The following ULK4 variants were observed in gnomAD, a reference collection of about 807,000 sequenced individuals.
ULK4 encodes the protein unc-51 like kinase 4, also known as inactive serine/threonine-protein kinase ULK4.
A neutral mutation model predicts 160.6 loss-of-function variants in ULK4; 133 were observed. The observed-to-expected ratio is 0.83, with a 90% CI of 0.72 to 0.96. ULK4 has a LOEUF of 0.96. Ranked by LOEUF, ULK4 falls within the 40% of genes least tolerant of loss-of-function variation. ULK4 has a pLI of 0.00. For synonymous variants in ULK4, 534 were observed against 539.8 expected (o/e 0.99, Z 0.15); for missense variants, 1,580 against 1,499.5 (o/e 1.05, Z -0.89).
At chr3:41,947,233 C>T (rs749169629) in intron 2 of ULK4, among the ~76,000 whole-genome samples, 17 of 152,142 alleles carry the variant, frequency 1.1e-4, no homozygotes, top group Non-Finnish European at 2.5e-4. Flanking sequence ...ATGGCGTGAA[C>T]CCAGGAGACG....
intron 33 of ULK4, among the ~76,000 whole-genome samples, chr3:41,462,588 T>A (rs141308979): frequency 6.6e-6 from 1 of 152,130 alleles, no homozygotes; most frequent in African/African-American, 2.4e-5. Context: ...CTCAAAACCA[T>A]CTCACAAGTC....
intron 5 of ULK4, among the ~76,000 whole-genome samples, chr3:41,922,777 C>T (rs1438975311): frequency 5.3e-5 from 8 of 152,018 alleles, no homozygotes; most frequent in East Asian, 3.9e-4. Context: ...TTGCAATGTA[C>T]GATGGACTCC....
At chr3:41,525,727 C>T (rs1323955463) in intron 32 of ULK4, among the ~76,000 whole-genome samples, 1 of 152,214 alleles carries the variant, frequency 6.6e-6, no homozygotes, top group African/African-American at 2.4e-5. Context: ...ACAATGTGCC[C>T]TTTTTATCTG....
At chr3:41,687,894 A>AAGGCTC (rs1283007528) in intron 27 of ULK4, 23 of 152,362 alleles carry the variant, frequency 1.5e-4, no homozygotes, top group Admixed American at 5.2e-4. Context: ...CAGCCCAGGC[A>AAGGCTC]AGGCTCCTTT....
At chr3:41,249,419 T>A in intron 36 of ULK4, 70 bp downstream of exon 36, 1 of 1,379,796 alleles carries the variant, frequency 7.2e-7, no homozygotes, top group Non-Finnish European at 1.0e-6. Flanking sequence ...GTGGGAGGAG[T>A]GGAGAAAGGA....
chr3:41,523,730 A>G (rs2086014104), intron 32 of ULK4, among the ~76,000 whole-genome samples: 1 of 152,174 alleles, frequency 6.6e-6, no homozygotes, highest in Non-Finnish European at 1.5e-5. Context: ...CAGTTCTTCA[A>G]AAAAATTAAT....
chr3:41,759,675 A>G (rs2038922684), intron 21 of ULK4, among the ~76,000 whole-genome samples: 1 of 152,162 alleles, frequency 6.6e-6, no homozygotes, highest in South Asian at 2.1e-4. Context: ...AATATGCAAA[A>G]CAATTTTGGG....
intron 32 of ULK4, among the ~76,000 whole-genome samples, chr3:41,562,535 C>G (rs1215566155): frequency 6.6e-6 from 1 of 151,820 alleles, no homozygotes; most frequent in African/African-American, 2.4e-5. Context: ...CTTTATGAAT[C>G]TGAGTGATAC....
chr3:41,882,336 A>C lies in ULK4; in HGVS notation c.1656+1538T>G, dbSNP rs770415837. On this transcript the variant is annotated intron_variant, in intron 17 of 36. Transcript: ENST00000301831. ...ATGCCAGGTGGTGATACATGCTGTG[A>C]AAAAGATAAAGTAGAACAATGGGGT... 3 of 700,666 alleles carry C rather than the reference A, an allele frequency of 4.3e-6. No individual in the cohort carries two copies. In the East Asian group the frequency reaches 8.1e-5, roughly 19 times the overall value. The allele number at this position is 700,666 out of a possible 1,614,324, so 43.4% of individuals were successfully genotyped here. A position where few individuals can be genotyped will look rare whatever the true frequency, so the allele number is the denominator to read the frequency against.
At chr3:41,499,339 T>C (rs962203441) in intron 32 of ULK4, among the ~76,000 whole-genome samples, 4 of 152,154 alleles carry the variant, frequency 2.6e-5, no homozygotes, top group Admixed American at 2.6e-4. Context: ...GCTTTTGAAC[T>C]CCCCTGGGCA....
chr3:41,268,811 CACAAAAAAAAAA>C (rs2079090369), intron 35 of ULK4, among the ~76,000 whole-genome samples: 1 of 45,020 alleles, frequency 2.2e-5, no homozygotes, highest in African/African-American at 1.1e-4. Flanking sequence ...CTCACACACA[CACAAAAAAAAAA>C]AAAAAAAAAA....
chr3:41,761,933 A>T lies in ULK4; in HGVS notation c.2194-7445T>A, dbSNP rs369306358. Among the ~76,000 whole-genome samples, 156 of 152,048 alleles carry T rather than the reference A, an allele frequency of 1.0e-3. 5 individuals are homozygous for T. The South Asian group carries it at 0.031, about 31-fold the overall frequency. ...TCTACTTAAAAATAATAATAATAATAATTAGCCAGGCATGATGGCACATGC... is the reference window on the plus strand; with the variant it reads ...TCTACTTAAAAATAATAATAATAATTATTAGCCAGGCATGATGGCACATGC... On this transcript the variant is annotated intron_variant, in intron 21 of 36. Transcript: ENST00000301831.
chr3:41,475,589 C>T (rs1016749150), intron 32 of ULK4, among the ~76,000 whole-genome samples: 27 of 151,834 alleles, frequency 1.8e-4, no homozygotes, highest in Admixed American at 1.6e-3. Flanking sequence ...ACTTTGTACC[C>T]CATAAATATA....
intron 34 of ULK4, among the ~76,000 whole-genome samples, chr3:41,436,411 TTATTTGAAAC>T (rs1230402388): frequency 6.6e-6 from 1 of 152,218 alleles, no homozygotes; most frequent in African/African-American, 2.4e-5. Context: ...GTACATAGTT[TTATTTGAAAC>T]TGATACCAGG....
chr3:41,265,963 C>T (rs945002004), intron 35 of ULK4, among the ~76,000 whole-genome samples: 6 of 152,146 alleles, frequency 3.9e-5, no homozygotes, highest in African/African-American at 9.7e-5. Flanking sequence ...CCACACACCC[C>T]CTGCTCTGGG....
In ULK4 at chr3:41,814,943, C is replaced by T. The variant is rs372670643; in HGVS notation, c.1848+4480G>A. ...TTTTTTTTTGAGATGGAGTCTTGTT[C>T]TGTTGCCCAGGCTGGAGTGTAGTGG... is the stretch of plus-strand genomic sequence containing the variant. On this transcript the variant is annotated intron_variant, in intron 19 of 36. Transcript: ENST00000301831. Among the ~76,000 whole-genome samples, 353 of 80,354 alleles carry T rather than the reference C, an allele frequency of 4.4e-3. 1 individual carries two copies. Among genetic ancestry groups the T allele is most frequent in the African/African-American group, 0.017 (309 of 18,532 alleles). 52.7% of individuals were successfully genotyped at this position (80,354 alleles called of 152,430 possible). A position where few individuals can be genotyped will look rare whatever the true frequency, so the allele number is the denominator to read the frequency against.
At chr3:41,687,560 T>G (rs955300678) in intron 27 of ULK4, among the ~76,000 whole-genome samples, 3 of 152,102 alleles carry the variant, frequency 2.0e-5, no homozygotes, top group African/African-American at 4.8e-5. Flanking sequence ...AATAAAGTTA[T>G]GAACAAATCA....
chr3:41,331,768 G>A (rs763337193), intron 35 of ULK4, among the ~76,000 whole-genome samples: 17 of 152,246 alleles, frequency 1.1e-4, no homozygotes, highest in African/African-American at 1.9e-4. Context: ...CATCTGGATC[G>A]TTTAATGAGT....
intron 34 of ULK4, among the ~76,000 whole-genome samples, chr3:41,421,978 T>C (rs190596362): frequency 1.4e-3 from 211 of 152,274 alleles, no homozygotes; most frequent in Non-Finnish European, 2.1e-3. Flanking sequence ...AAGATTTTTT[T>C]TTTCTTTTGA....
Sources: gnomAD v4.1 joint callset for allele counts (sites outside exome capture counted in the v4.1 genomes callset) on GRCh38, gnomAD v4.1.1 for gene constraint, MANE v1.5 for transcripts, NCBI Gene and HGNC (gene_info 2026-07-23, HGNC 2026-07-21) for gene names.